Variants in HHAT observed in about 807,000 individuals in gnomAD.
HHAT encodes hedgehog acyltransferase, also known as protein-cysteine N-palmitoyltransferase HHAT.
A neutral mutation model predicts 70.8 loss-of-function variants in HHAT; 47 were observed. That is an observed-to-expected ratio of 0.66 (90% CI 0.53 to 0.85). The LOEUF (loss-of-function observed/expected upper bound fraction) is 0.85. HHAT is among the 40% of genes least tolerant of loss of function. The pLI, the probability that HHAT is intolerant of heterozygous loss-of-function variation, is 0.00. For missense variants in HHAT, 609 were observed against 604.8 expected, an observed-to-expected ratio of 1.01 and a Z score of -0.07; for synonymous variants, 228 against 247.6, an observed-to-expected ratio of 0.92 and a Z score of 0.74.
intron 11 of HHAT, among the ~76,000 whole-genome samples, chr1:210,643,568 G>T (rs1558339872): frequency 6.6e-6 from 1 of 152,180 alleles, no homozygotes; most frequent in Non-Finnish European, 1.5e-5. Context: ...AGGCATCATG[G>T]TAATCATGTC....
chr1:210,476,621 A>C (rs2094310566), intron 8 of HHAT, among the ~76,000 whole-genome samples: 1 of 152,172 alleles, frequency 6.6e-6, no homozygotes, highest in Admixed American at 6.5e-5. Context: ...GACCCTTCTA[A>C]TATCAGGCAA....
intron 7 of HHAT, among the ~76,000 whole-genome samples, chr1:210,456,772 C>T (rs2148414257): frequency 6.6e-6 from 1 of 152,304 alleles, no homozygotes; most frequent in Non-Finnish European, 1.5e-5. Context: ...TGAAATGACA[C>T]CAGTTGCTGT....
At chr1:210,547,348 G>C (rs1397254050) in intron 9 of HHAT, among the ~76,000 whole-genome samples, 1 of 151,092 alleles carries the variant, frequency 6.6e-6, no homozygotes, top group African/African-American at 2.5e-5. Context: ...TGGGTTACAA[G>C]ACAAAAACTT....
At chr1:210,335,699 A>G (rs552715695) in intron 1 of HHAT, among the ~76,000 whole-genome samples, 20 of 152,218 alleles carry the variant, frequency 1.3e-4, no homozygotes, top group East Asian at 3.8e-4. Context: ...AGTAAATGAC[A>G]CTGGGTCGAT....
At chr1:210,673,110 A>G (rs1174522365) in intron 11 of HHAT, among the ~76,000 whole-genome samples, 1 of 152,208 alleles carries the variant, frequency 6.6e-6, no homozygotes, top group Non-Finnish European at 1.5e-5. Flanking sequence ...TGATGCCCCA[A>G]TCAAATGACC....
chr1:210,629,174 C>T (rs558924209), intron 11 of HHAT, among the ~76,000 whole-genome samples: 1 of 152,338 alleles, frequency 6.6e-6, no homozygotes, highest in South Asian at 2.1e-4. Context: ...TTCTTGGAAT[C>T]TGAATGTCAA....
intron 3 of HHAT, chr1:210,374,216 A>T (rs575622773): frequency 6.6e-6 from 1 of 152,204 alleles, no homozygotes; most frequent in South Asian, 2.1e-4. Context: ...CTCTCCACGG[A>T]AATCTTTAGT....
chr1:210,420,095 G>C (rs11119488), intron 7 of HHAT, among the ~76,000 whole-genome samples: 42,827 of 152,046 alleles, frequency 0.28, 6,371 homozygotes, highest in East Asian at 0.38. Flanking sequence ...GTTTGTACTC[G>C]TAATCCCATC....
rs1193121365 is a variant in HHAT at position 210,494,554 on chromosome 1, T to C, written c.1008-18599T>C. Among the ~76,000 whole-genome samples the C allele has an allele frequency of 8.9e-4, 95 of 106,846 alleles. 2 individuals are homozygous for C. The highest frequency in any genetic ancestry group is 2.4e-3 in the African/African-American group (85 of 35,170). The allele number at this position is 106,846 out of a possible 152,430, so 70.1% of individuals were successfully genotyped here. A position where few individuals can be genotyped will look rare whatever the true frequency, so the allele number is the denominator to read the frequency against. Reference sequence around the variant, plus strand: ...CAGTTTGAAATAGCTTTTTTTTTTTTTTTTTTTTTTTTTTTGAGACAGAGT... The same window carrying C: ...CAGTTTGAAATAGCTTTTTTTTTTTCTTTTTTTTTTTTTTTGAGACAGAGT... On this transcript the variant is annotated intron_variant, in intron 8 of 11. Coordinates refer to ENST00000261458, the MANE Select transcript of HHAT (RefSeq NM_018194.6).
intron 2 of HHAT, among the ~76,000 whole-genome samples, chr1:210,360,846 C>CTTTTTTTTTTTTTTTTTTTTT (rs3036585): frequency 1.6e-5 from 2 of 124,300 alleles, no homozygotes; most frequent in African/African-American, 3.3e-5. Context: ...ATTAACTTCA[C>CTTTTTTTTTTTTTTTTTTTTT]TTTTTTTTTT....
intron 1 of HHAT, among the ~76,000 whole-genome samples, chr1:210,337,511 A>T (rs2085610736): frequency 6.6e-6 from 1 of 152,156 alleles, no homozygotes; most frequent in African/African-American, 2.4e-5. Context: ...TCTAGGGAAC[A>T]ATCTTTTTGT....
chr1:210,572,077 A>G (rs1221621259), intron 9 of HHAT, among the ~76,000 whole-genome samples: 1 of 152,192 alleles, frequency 6.6e-6, no homozygotes, highest in Non-Finnish European at 1.5e-5. Flanking sequence ...TAAATGTTAC[A>G]CTGGCACGGC....
chr1:210,569,400 G>A (rs1485407221), intron 9 of HHAT, among the ~76,000 whole-genome samples: 25 of 35,674 alleles, frequency 7.0e-4, no homozygotes, highest in Non-Finnish European at 1.3e-3. Flanking sequence ...AAAAAAAAAA[G>A]CGTATAGCAG....
At chr1:210,616,997 T>C (rs1039410647) in intron 10 of HHAT, among the ~76,000 whole-genome samples, 32 of 152,252 alleles carry the variant, frequency 2.1e-4, no homozygotes, top group African/African-American at 7.7e-4. Context: ...TCTACATTTA[T>C]CAAATGCCAA....
rs371507703 is a variant in HHAT at position 210,400,879 on chromosome 1, G to A, written c.468+217G>A. Among the ~76,000 whole-genome samples the A allele has an allele frequency of 5.9e-5, 9 of 152,362 alleles. No individual in the cohort carries two copies. In the East Asian group the frequency reaches 9.6e-4, roughly 16 times the overall value. ...GTTTTAGCCCTGTGAGATTGCCCAG[G>A]GCTGGCCCTGTACCATCTCTCCCAG... On this transcript the variant is annotated intron_variant, in intron 5 of 11. Coordinates refer to ENST00000261458, the MANE Select transcript of HHAT (RefSeq NM_018194.6).
intron 7 of HHAT, among the ~76,000 whole-genome samples, chr1:210,436,861 C>G (rs1478834177): frequency 1.3e-5 from 2 of 151,800 alleles, no homozygotes; most frequent in African/African-American, 4.9e-5. Context: ...TCTCCTAGTT[C>G]CATGAGGAAC....
intron 2 of HHAT, among the ~76,000 whole-genome samples, chr1:210,358,739 C>G (rs1311127964): frequency 2.0e-5 from 3 of 152,132 alleles, no homozygotes; most frequent in Non-Finnish European, 2.9e-5. Context: ...TGTGCTGCTC[C>G]CTGGCAGTGG....
chr1:210,646,836 C>A (rs1307174538), intron 11 of HHAT, among the ~76,000 whole-genome samples: 3 of 152,064 alleles, frequency 2.0e-5, no homozygotes, highest in Admixed American at 6.6e-5. Context: ...TAAAATAATT[C>A]TGAGAAATTA....
At chr1:210,670,350 A>G (rs1007446586) in intron 11 of HHAT, among the ~76,000 whole-genome samples, 20 of 152,332 alleles carry the variant, frequency 1.3e-4, no homozygotes, top group Admixed American at 9.1e-4. Flanking sequence ...GGCATATAGC[A>G]AGGGCTTGTG....
Sources: gnomAD v4.1 joint callset for allele counts (sites outside exome capture counted in the v4.1 genomes callset) on GRCh38, gnomAD v4.1.1 for gene constraint, MANE v1.5 for transcripts, NCBI Gene and HGNC (gene_info 2026-07-23, HGNC 2026-07-21) for gene names.